Variants in BMP6 observed in about 807,000 individuals in gnomAD.
BMP6 encodes VG-1-R.
Under a neutral mutation model 54.1 loss-of-function variants are expected in BMP6, and 17 were observed. The ratio of observed to expected loss-of-function variants is 0.31; its 90% CI spans 0.22 to 0.47. BMP6 has a LOEUF of 0.47. Ranked by LOEUF, BMP6 falls within the 20% of genes least tolerant of loss-of-function variation. The probability of loss-of-function intolerance (pLI) is 1.00; values close to 1 mark genes in which losing one functional copy is unlikely to be tolerated. For missense variants in BMP6, 720 were observed against 690.4 expected, an observed-to-expected ratio of 1.04 and a Z score of -0.48; for synonymous variants, 328 against 291.2, an observed-to-expected ratio of 1.13 and a Z score of -1.28.
At chr6:7,800,174 C>A (rs1758249342) in intron 1 of BMP6, among the ~76,000 whole-genome samples, 1 of 151,760 alleles carries the variant, frequency 6.6e-6, no homozygotes, top group Non-Finnish European at 1.5e-5. Context: ...CACATACCCA[C>A]TTCCAAACAT....
intron 1 of BMP6, among the ~76,000 whole-genome samples, chr6:7,825,597 G>A (rs1758682539): frequency 6.6e-6 from 1 of 152,070 alleles, no homozygotes; most frequent in African/African-American, 2.4e-5. Flanking sequence ...GCGCATGCCT[G>A]TAATCACTGC....
At chr6:7,853,656 T>C (rs949533874) in intron 2 of BMP6, among the ~76,000 whole-genome samples, 2 of 152,194 alleles carry the variant, frequency 1.3e-5, no homozygotes, top group African/African-American at 4.8e-5. Flanking sequence ...AGCCACACCT[T>C]TTTCTCTTTC....
chr6:7,746,152 G>T (rs536663218), intron 1 of BMP6, among the ~76,000 whole-genome samples: 2 of 152,232 alleles, frequency 1.3e-5, no homozygotes, highest in African/African-American at 2.4e-5. Flanking sequence ...TGCTGCGGGA[G>T]CCCTGAGAGG....
intron 1 of BMP6, among the ~76,000 whole-genome samples, chr6:7,768,419 C>CTGGTAAGTTTGAGTCTT (rs1757725820): frequency 6.6e-6 from 1 of 152,074 alleles, no homozygotes; most frequent in Non-Finnish European, 1.5e-5. Context: ...GGTTTCTGCT[C>CTGGTAAGTTTGAGTCTT]TGGTAAGTTT....
chr6:7,874,843 C>T (rs1759581298), intron 4 of BMP6, among the ~76,000 whole-genome samples: 1 of 152,036 alleles, frequency 6.6e-6, no homozygotes, highest in South Asian at 2.1e-4. Context: ...CTCTCTATGC[C>T]CTAACTATTG....
At chr6:7,791,385 T>C (rs1397284559) in intron 1 of BMP6, among the ~76,000 whole-genome samples, 1 of 152,188 alleles carries the variant, frequency 6.6e-6, no homozygotes, top group Non-Finnish European at 1.5e-5. Context: ...CTTCTTCCTG[T>C]GGGGAGCAGC....
At chr6:7,826,959 T>C (rs993420273) in intron 1 of BMP6, among the ~76,000 whole-genome samples, 4 of 152,206 alleles carry the variant, frequency 2.6e-5, no homozygotes, top group Non-Finnish European at 5.9e-5. Flanking sequence ...TGAGCCATGA[T>C]GTTTTAGAAT....
intron 1 of BMP6, among the ~76,000 whole-genome samples, chr6:7,740,148 G>C (rs957628028): frequency 2.6e-5 from 4 of 152,096 alleles, no homozygotes; most frequent in Admixed American, 6.5e-5. Context: ...CAGGTACCAG[G>C]CTCCCAGGTG....
In BMP6 at chr6:7,754,118, TTTTC is replaced by T. The variant is rs368119815; in HGVS notation, c.664+26511_664+26514del. ...GATAGTGTTGTTCTTTATTGTCTTT[TTTTC>T]TTTCTTTCTTTTTGAAACAGAGTCT... On this transcript the variant is annotated intron_variant, in intron 1 of 6. Transcript: ENST00000283147. Among the ~76,000 whole-genome samples the T allele has an allele frequency of 7.1e-4, 108 of 152,274 alleles. 1 individual carries two copies. Among genetic ancestry groups the T allele is most frequent in the African/African-American group, 2.4e-3 (99 of 41,552 alleles).
chr6:7,741,291 C>T (rs1757248104), intron 1 of BMP6, among the ~76,000 whole-genome samples: 1 of 151,906 alleles, frequency 6.6e-6, no homozygotes, highest in African/African-American at 2.4e-5. Context: ...TCTTTATTAT[C>T]ATTATTATTA....
In BMP6 at chr6:7,862,468, C is replaced by A. The variant is rs1360408366; in HGVS notation, c.1174C>A (p.Gln392Lys). 6.2e-7 allele frequency: 1 copy of A among 1,614,146 alleles called. No individual in the cohort carries two copies. The highest frequency in any genetic ancestry group is 8.5e-7 in the Non-Finnish European group (1 of 1,180,012). The part of the protein sequence containing the change: ...QQSRNRSTQS[Q>K]DVARVSSASD... ...GAGTCGTAATCGCTCTACCCAGTCC[C>A]AGGACGTGGCGCGGGTCTCCAGTGC... Residue 392 changes from glutamine (Q) to lysine (K), a missense_variant, in exon 4 of 7, where the codon CAG (glutamine) becomes AAG (lysine). Gln to Lys is a moderately conservative substitution (Grantham distance 53). This residue lies in a region of BMP6 where 650 missense variants were observed against 556.3 expected (regional missense o/e 1.17). Transcript: ENST00000283147.
At chr6:7,825,172 T>C (rs1218170152) in intron 1 of BMP6, among the ~76,000 whole-genome samples, 1 of 152,050 alleles carries the variant, frequency 6.6e-6, no homozygotes, top group Non-Finnish European at 1.5e-5. Flanking sequence ...TTTTGAAAAC[T>C]AGCTGGGTAT....
intron 1 of BMP6, among the ~76,000 whole-genome samples, chr6:7,791,950 G>T (rs1212822837): frequency 6.6e-6 from 1 of 152,082 alleles, no homozygotes; most frequent in Non-Finnish European, 1.5e-5. Flanking sequence ...ATAAGAACAG[G>T]TTAGATTCTT....
rs368526748 is a variant in BMP6, at chr6:7,817,980, A to T, written c.665-27160A>T. 4.6e-5 allele frequency among the ~76,000 whole-genome samples: 7 copies of T among 152,212 alleles called. No homozygotes were observed. In the East Asian group the frequency reaches 1.2e-3, roughly 25 times the overall value. On this transcript the variant is annotated intron_variant, in intron 1 of 6. Transcript: ENST00000283147. Reference sequence around the variant, plus strand: ...CATGTTGTGGGCCCAACAGGTGGGTAAATTTAGATCAGGTCACACATTTTT... The same window carrying T: ...CATGTTGTGGGCCCAACAGGTGGGTTAATTTAGATCAGGTCACACATTTTT...
intron 1 of BMP6, among the ~76,000 whole-genome samples, chr6:7,820,756 C>CT (rs1758593697): frequency 6.6e-6 from 1 of 152,194 alleles, no homozygotes; most frequent in Non-Finnish European, 1.5e-5. Context: ...CAGTCCCAAC[C>CT]TTTTTGACAC....
chr6:7,743,100 G>T (rs1757293675), intron 1 of BMP6, among the ~76,000 whole-genome samples: 1 of 152,150 alleles, frequency 6.6e-6, no homozygotes, highest in South Asian at 2.1e-4. Context: ...ATGTAGCCAA[G>T]GGAAAAATGA....
intron 1 of BMP6, among the ~76,000 whole-genome samples, chr6:7,782,492 C>G (rs1757962132): frequency 6.6e-6 from 1 of 152,052 alleles, no homozygotes; most frequent in African/African-American, 2.4e-5. Context: ...GGGCAGATTA[C>G]CTGAGGTCAG....
intron 1 of BMP6, among the ~76,000 whole-genome samples, chr6:7,742,567 G>T (rs563450049): frequency 6.6e-6 from 1 of 152,304 alleles, no homozygotes; most frequent in South Asian, 2.1e-4. Flanking sequence ...ACTGAAAACT[G>T]ATCAAAGCCA....
chr6:7,731,990 G>C (rs1761867784), intron 1 of BMP6, among the ~76,000 whole-genome samples: 1 of 152,098 alleles, frequency 6.6e-6, no homozygotes, highest in South Asian at 2.1e-4. Context: ...AGTACAAGCA[G>C]CAAGAAACTT....
Sources: gnomAD v4.1 joint callset for allele counts (sites outside exome capture counted in the v4.1 genomes callset) on GRCh38, gnomAD v4.1.1 for gene constraint, gnomAD v4.1.1 regional missense constraint, MANE v1.5 for transcripts, NCBI Gene and HGNC (gene_info 2026-07-23, HGNC 2026-07-21) for gene names.